The following B3GALT1 variants were observed in gnomAD, a reference collection of about 807,000 sequenced individuals.
The protein encoded by B3GALT1 is beta-1,3-galactosyltransferase 1.
A neutral mutation model predicts 23.2 loss-of-function variants in B3GALT1; 10 were observed. That is an observed-to-expected ratio of 0.43 (90% CI 0.27 to 0.73). The LOEUF (loss-of-function observed/expected upper bound fraction) is 0.73. Among genes scored for constraint, B3GALT1 ranks in the 30% least tolerant of loss-of-function variants. The probability of loss-of-function intolerance (pLI) is 0.21; values close to 1 mark genes in which losing one functional copy is unlikely to be tolerated. For missense variants in B3GALT1, 299 were observed against 405.4 expected (o/e 0.74, Z 2.25); for synonymous variants, 156 against 141.5 (o/e 1.10, Z -0.73).
chr2:167,812,199 G>A (rs1197522700), intron 3 of B3GALT1, among the ~76,000 whole-genome samples: 3 of 152,188 alleles, frequency 2.0e-5, no homozygotes, highest in African/African-American at 7.2e-5. Flanking sequence ...AGCTTACAAG[G>A]CATAGTTTCC....
intron 1 of B3GALT1, among the ~76,000 whole-genome samples, chr2:167,339,346 T>A (rs1221443124): frequency 6.6e-6 from 1 of 151,448 alleles, no homozygotes; most frequent in Non-Finnish European, 1.5e-5. Context: ...TTAAACATAA[T>A]ACAACAAGAG....
intron 1 of B3GALT1, among the ~76,000 whole-genome samples, chr2:167,409,116 T>A (rs1445867772): frequency 2.6e-5 from 4 of 152,228 alleles, no homozygotes; most frequent in African/African-American, 7.2e-5. Context: ...TACTTCAGTT[T>A]GTTTTAGGTA....
intron 1 of B3GALT1, among the ~76,000 whole-genome samples, chr2:167,465,671 G>A (rs917691780): frequency 6.6e-5 from 10 of 152,062 alleles, no homozygotes; most frequent in African/African-American, 1.2e-4. Context: ...ATTTTGAGGC[G>A]ATACATTTAG....
chr2:167,339,003 C>T (rs943391272), intron 1 of B3GALT1, among the ~76,000 whole-genome samples: 3 of 152,082 alleles, frequency 2.0e-5, no homozygotes, highest in Non-Finnish European at 2.9e-5. Flanking sequence ...AGCAGAACTC[C>T]CTTAAAATGT....
chr2:167,502,818 T>A (rs1699865928), intron 2 of B3GALT1, among the ~76,000 whole-genome samples: 1 of 152,104 alleles, frequency 6.6e-6, no homozygotes, highest in African/African-American at 2.4e-5. Context: ...GGCAGGTGGA[T>A]CCCTGAGGTC....
intron 2 of B3GALT1, among the ~76,000 whole-genome samples, chr2:167,545,315 G>T (rs554101171): frequency 6.6e-6 from 1 of 152,148 alleles, no homozygotes; most frequent in South Asian, 2.1e-4. Context: ...GATTACAGGC[G>T]TGAGCCACCG....
chr2:167,416,102 A>T (rs1698465846), intron 1 of B3GALT1, among the ~76,000 whole-genome samples: 1 of 152,216 alleles, frequency 6.6e-6, no homozygotes, highest in Admixed American at 6.5e-5. Context: ...ACTTTTGCTA[A>T]GATTAGTAGA....
intron 3 of B3GALT1, among the ~76,000 whole-genome samples, chr2:167,739,300 A>G (rs1160416756): frequency 6.6e-6 from 1 of 152,214 alleles, no homozygotes; most frequent in Admixed American, 6.5e-5. Context: ...GAAGTGATGA[A>G]AAGTTTAAAT....
chr2:167,410,623 A>G (rs981681775), intron 1 of B3GALT1, among the ~76,000 whole-genome samples: 4 of 151,962 alleles, frequency 2.6e-5, no homozygotes, highest in African/African-American at 9.7e-5. Flanking sequence ...TAGGACAAAT[A>G]CCTAATGCAT....
chr2:167,666,931 G>C (rs1297685856), intron 3 of B3GALT1, among the ~76,000 whole-genome samples: 1 of 151,988 alleles, frequency 6.6e-6, no homozygotes, highest in African/African-American at 2.4e-5. Context: ...CTTTTAATTG[G>C]AGCATTTAGT....
At chr2:167,326,438 G>T (rs1436386228) in intron 1 of B3GALT1, among the ~76,000 whole-genome samples, 2 of 151,826 alleles carry the variant, frequency 1.3e-5, no homozygotes, top group African/African-American at 4.8e-5. Context: ...TTAATTTAAT[G>T]AAGTCCCATT....
intron 1 of B3GALT1, among the ~76,000 whole-genome samples, chr2:167,393,004 G>A (rs548755257): frequency 6.6e-6 from 1 of 152,248 alleles, no homozygotes; most frequent in African/African-American, 2.4e-5. Context: ...GGAGGCCGAG[G>A]CGGGTGGATC....
At chr2:167,826,997 A>C (rs1407156141) in intron 4 of B3GALT1, among the ~76,000 whole-genome samples, 1 of 152,160 alleles carries the variant, frequency 6.6e-6, no homozygotes, top group Non-Finnish European at 1.5e-5. Flanking sequence ...AGTATTGGTA[A>C]ATAAATCACG....
chr2:167,580,899 A>G (rs1406030737), intron 2 of B3GALT1, among the ~76,000 whole-genome samples: 2 of 152,158 alleles, frequency 1.3e-5, no homozygotes, highest in Non-Finnish European at 2.9e-5. Context: ...AGGTGTGGAG[A>G]GACACTGATA....
chr2:167,607,321 C>T (rs1030527091), intron 2 of B3GALT1, among the ~76,000 whole-genome samples: 3 of 152,128 alleles, frequency 2.0e-5, no homozygotes, highest in African/African-American at 4.8e-5. Context: ...ATTCAGCAAG[C>T]GTTGGCTTTT....
chr2:167,638,097 A>G (rs1685590170), intron 2 of B3GALT1, among the ~76,000 whole-genome samples: 2 of 152,072 alleles, frequency 1.3e-5, no homozygotes, highest in African/African-American at 4.8e-5. Flanking sequence ...AATAAGTGGC[A>G]TATTTGAAAA....
At chr2:167,704,106 G>T (rs1386093973) in intron 3 of B3GALT1, among the ~76,000 whole-genome samples, 5 of 151,258 alleles carry the variant, frequency 3.3e-5, no homozygotes, top group Non-Finnish European at 7.4e-5. Context: ...GCGTGAACCC[G>T]GGAGGCGGAG....
chr2:167,838,882 T>C (rs989739790), intron 4 of B3GALT1, among the ~76,000 whole-genome samples: 5 of 152,084 alleles, frequency 3.3e-5, no homozygotes, highest in Admixed American at 3.3e-4. Flanking sequence ...TATACGCAAA[T>C]CAATATATGT....
At position 167,761,499 on chromosome 2, in the gene B3GALT1, G is replaced by A. The variant is rs375373693; in HGVS notation, c.-351-57173G>A. Among the ~76,000 whole-genome samples the A allele has an allele frequency of 8.5e-5, 13 of 152,182 alleles. No homozygotes were observed. The East Asian group carries it at 1.4e-3, about 16-fold the overall frequency. On this transcript the variant is annotated intron_variant, in intron 3 of 4. Coordinates refer to ENST00000392690, the MANE Select transcript of B3GALT1 (RefSeq NM_020981.4). Reference sequence around the variant, plus strand: ...TTACCCATTCTTATGAGGTTGTTTGGCAATACTATAAATCAAGGCCTTTTT... The same window carrying A: ...TTACCCATTCTTATGAGGTTGTTTGACAATACTATAAATCAAGGCCTTTTT...
Sources: allele counts gnomAD v4.1 joint callset (sites outside exome capture counted in the v4.1 genomes callset), GRCh38; gene constraint gnomAD v4.1.1; transcripts MANE v1.5; gene names NCBI Gene and HGNC (gene_info 2026-07-23, HGNC 2026-07-21).